Variants in MEGF11 observed in about 807,000 individuals in gnomAD.
The protein encoded by MEGF11 is multiple EGF like domains 11.
Under a neutral mutation model 146.6 loss-of-function variants are expected in MEGF11, and 126 were observed. That is an observed-to-expected ratio of 0.86 (90% CI 0.74 to 1.00). The LOEUF (loss-of-function observed/expected upper bound fraction) is 1.00, where lower values mean the gene tolerates loss of function less well. Ranked by LOEUF, MEGF11 falls within the 50% of genes least tolerant of loss-of-function variation. MEGF11 has a pLI of 0.00. For missense variants in MEGF11, 1,509 were observed against 1,521.2 expected (o/e 0.99, Z 0.13); for synonymous variants, 532 against 583.4 (o/e 0.91, Z 1.27).
chr15:66,216,989 C>A (rs75342967), intron 1 of MEGF11, among the ~76,000 whole-genome samples: 2 of 152,238 alleles, frequency 1.3e-5, no homozygotes, highest in Non-Finnish European at 2.9e-5. Flanking sequence ...TCCAGAGCAC[C>A]CCATGGGACT....
intron 5 of MEGF11, among the ~76,000 whole-genome samples, chr15:65,984,876 C>A (rs1055554943): frequency 6.6e-6 from 1 of 152,076 alleles, no homozygotes; most frequent in South Asian, 2.1e-4. Flanking sequence ...TCAAGCAATT[C>A]TCCTGCCTCA....
chr15:65,916,654 G>T, intron 17 of MEGF11, 174 bp downstream of exon 17: 1 of 1,166,556 alleles, frequency 8.6e-7, no homozygotes, highest in Non-Finnish European at 1.2e-6. Context: ...ATCCAGTCAG[G>T]TCTGGAGCTG....
intron 10 of MEGF11, among the ~76,000 whole-genome samples, chr15:65,933,562 C>CAAAGA (rs2079654121): frequency 6.6e-6 from 1 of 152,228 alleles, no homozygotes; most frequent in Non-Finnish European, 1.5e-5. Flanking sequence ...CCCAGAGAAG[C>CAAAGA]CTATGCCTGG....
intron 1 of MEGF11, among the ~76,000 whole-genome samples, chr15:66,199,399 C>T (rs2091094564): frequency 6.6e-6 from 1 of 152,164 alleles, no homozygotes; most frequent in South Asian, 2.1e-4. Context: ...TCCGTCAAGT[C>T]TCCACTCCGC....
intron 5 of MEGF11, among the ~76,000 whole-genome samples, chr15:66,023,938 G>A (rs1284649466): frequency 3.3e-5 from 5 of 152,204 alleles, no homozygotes; most frequent in Non-Finnish European, 5.9e-5. Flanking sequence ...GAGCATACAG[G>A]GTTGCCAGTG....
At chr15:66,063,081 A>G (rs945042496) in intron 5 of MEGF11, among the ~76,000 whole-genome samples, 2 of 152,260 alleles carry the variant, frequency 1.3e-5, no homozygotes, top group African/African-American at 2.4e-5. Flanking sequence ...ACTGAACCAT[A>G]GAGTGTTAAA....
chr15:66,199,125 C>T (rs1000156291), intron 1 of MEGF11, among the ~76,000 whole-genome samples: 6 of 151,728 alleles, frequency 4.0e-5, no homozygotes, highest in African/African-American at 1.5e-4. Context: ...GGGTCTGTGG[C>T]ATGCAAGGGA....
intron 5 of MEGF11, among the ~76,000 whole-genome samples, chr15:66,069,988 AC>A: frequency 6.6e-6 from 1 of 152,260 alleles, no homozygotes; most frequent in African/African-American, 2.4e-5. Flanking sequence ...CTTGCTGACC[AC>A]CGCTCTAAGA....
At chr15:66,251,069 C>A (rs1431914328) in intron 1 of MEGF11, among the ~76,000 whole-genome samples, 1 of 152,190 alleles carries the variant, frequency 6.6e-6, no homozygotes, top group Non-Finnish European at 1.5e-5. Flanking sequence ...GATTGCTCAC[C>A]CTAAGTCTAG....
At chr15:66,108,614 C>A (rs1319337420) in intron 4 of MEGF11, among the ~76,000 whole-genome samples, 1 of 152,096 alleles carries the variant, frequency 6.6e-6, no homozygotes, top group Non-Finnish European at 1.5e-5. Context: ...CCATCTGGTG[C>A]CGTGTGGCTA....
intron 1 of MEGF11, among the ~76,000 whole-genome samples, chr15:66,191,210 C>T (rs529210534): frequency 6.6e-6 from 1 of 152,364 alleles, no homozygotes; most frequent in African/African-American, 2.4e-5. Flanking sequence ...GCTATCCCAT[C>T]CTGCAATGGG....
At chr15:66,212,916 TG>T (rs1347365835) in intron 1 of MEGF11, among the ~76,000 whole-genome samples, 1 of 152,184 alleles carries the variant, frequency 6.6e-6, no homozygotes, top group Non-Finnish European at 1.5e-5. Context: ...TTCCAGACAG[TG>T]GAGGCAGGGA....
chr15:66,169,700 T>C (rs1465104743), intron 1 of MEGF11, among the ~76,000 whole-genome samples: 1 of 152,252 alleles, frequency 6.6e-6, no homozygotes, highest in African/African-American at 2.4e-5. Flanking sequence ...TCATTTTCTT[T>C]TTTGCAGCTA....
intron 20 of MEGF11, chr15:65,912,562 G>C (rs2078848996): frequency 6.2e-6 from 1 of 162,104 alleles, no homozygotes; most frequent in Non-Finnish European, 1.3e-5. Flanking sequence ...TCACATCCTG[G>C]TAATGAGATC....
intron 1 of MEGF11, among the ~76,000 whole-genome samples, chr15:66,193,273 G>A (rs1180847614): frequency 6.6e-6 from 1 of 152,172 alleles, no homozygotes; most frequent in Non-Finnish European, 1.5e-5. Context: ...GACTGAAGCT[G>A]ACTCCTTTGT....
At chr15:66,055,288 G>A (rs540017448) in intron 5 of MEGF11, among the ~76,000 whole-genome samples, 20 of 152,296 alleles carry the variant, frequency 1.3e-4, no homozygotes, top group African/African-American at 3.8e-4. Context: ...TAAAACTATC[G>A]AGATTCGTAG....
intron 1 of MEGF11, among the ~76,000 whole-genome samples, chr15:66,158,650 G>A (rs1393351362): frequency 6.6e-6 from 1 of 152,250 alleles, no homozygotes; most frequent in Non-Finnish European, 1.5e-5. Flanking sequence ...GGCCTGGGAA[G>A]CAGGATTTTT....
chr15:65,985,893 C>G (rs1240258992), intron 5 of MEGF11, among the ~76,000 whole-genome samples: 2 of 151,600 alleles, frequency 1.3e-5, no homozygotes, highest in Non-Finnish European at 2.9e-5. Flanking sequence ...TCTGCTTTCT[C>G]ACAACACAGA....
rs1405113705 is a variant in MEGF11, at chr15:65,913,636, TTCCACATTCA to T, written c.2710+91_2710+100del. The stretch of plus-strand genomic sequence containing the variant: ...ACTGTCACTCTAGGGGAGACTGAGC[TTCCACATTCA>T]GCCACAGCAGCCAACCCTACAGGCA... On this transcript the variant is annotated intron_variant, in intron 20 of 25. Coordinates refer to ENST00000395614, the MANE Select transcript of MEGF11 (RefSeq NM_001385028.1). The T allele has an allele frequency of 2.5e-5, 26 of 1,024,154 alleles. No homozygotes were observed. The African/African-American group carries it at 2.7e-4, about 11-fold the overall frequency. The allele number at this position is 1,024,154 out of a possible 1,614,324, so 63.4% of individuals were successfully genotyped here. A position where few individuals can be genotyped will look rare whatever the true frequency, so the allele number is the denominator to read the frequency against.
Sources: gnomAD v4.1 joint callset for allele counts (sites outside exome capture counted in the v4.1 genomes callset) on GRCh38, gnomAD v4.1.1 for gene constraint, MANE v1.5 for transcripts, NCBI Gene and HGNC (gene_info 2026-07-23, HGNC 2026-07-21) for gene names.